Variants in TBC1D9 observed in about 807,000 individuals in gnomAD.
TBC1D9 encodes TBC1 domain family member 9, also known as TBC1 domain family member 9A.
A neutral mutation model predicts 132.0 loss-of-function variants in TBC1D9; 63 were observed. The observed-to-expected ratio is 0.48, with a 90% confidence interval of 0.39 to 0.59. The LOEUF is 0.59. Among genes scored for constraint, TBC1D9 ranks in the 20% least tolerant of loss-of-function variants. TBC1D9 has a pLI of 0.00. For missense variants in TBC1D9, 1,261 were observed against 1,592.7 expected, an observed-to-expected ratio of 0.79 and a Z score of 3.54; for synonymous variants, 610 against 609.9, an observed-to-expected ratio of 1.00 and a Z score of 0.00.
At chr4:140,646,158 T>G (rs1010565969) in intron 13 of TBC1D9, among the ~76,000 whole-genome samples, 1 of 152,138 alleles carries the variant, frequency 6.6e-6, no homozygotes, top group African/African-American at 2.4e-5. Flanking sequence ...TCATGATCAT[T>G]CCAGGAAGTA....
At chr4:140,661,334 C>T (rs1179275463) in intron 10 of TBC1D9, among the ~76,000 whole-genome samples, 1 of 152,174 alleles carries the variant, frequency 6.6e-6, no homozygotes, top group East Asian at 1.9e-4. Flanking sequence ...CTAAGTTAAG[C>T]ACTTATTTTA....
chr4:140,725,782 A>T (rs954102148), intron 1 of TBC1D9, among the ~76,000 whole-genome samples: 11 of 152,134 alleles, frequency 7.2e-5, no homozygotes, highest in African/African-American at 2.4e-4. Context: ...TTTTGTACAA[A>T]GGATTCAGGG....
At chr4:140,642,081 G>T in intron 13 of TBC1D9, 1 of 705,202 alleles carries the variant, frequency 1.4e-6, no homozygotes. Flanking sequence ...GGGAGGGGGC[G>T]GAGGAGGGGG....
chr4:140,739,675 G>T (rs986796273), intron 1 of TBC1D9, among the ~76,000 whole-genome samples: 1 of 152,094 alleles, frequency 6.6e-6, no homozygotes, highest in East Asian at 1.9e-4. Context: ...AAATTCATTT[G>T]TACATATTAC....
At chr4:140,753,636 C>T (rs896811348) in intron 1 of TBC1D9, among the ~76,000 whole-genome samples, 8 of 152,144 alleles carry the variant, frequency 5.3e-5, no homozygotes, top group Non-Finnish European at 1.0e-4. Flanking sequence ...CTCTATTTTT[C>T]GAAGTTGTCT....
At chr4:140,662,801 A>G (rs4956328) in intron 9 of TBC1D9, among the ~76,000 whole-genome samples, 10,659 of 152,236 alleles carry the variant, frequency 0.07, 594 homozygotes, top group African/African-American at 0.15. Context: ...GCAAGTATCT[A>G]CCTCTCAATC....
Position 140,756,013 on chromosome 4 carries a change from G to A in TBC1D9, c.33C>T (p.Ala11=), listed in dbSNP as rs767436982. MWVNPEEVLL[A]NALWITERAN... ...CCCTCTCGGTGATCCACAGCGCGTT[G>A]GCCAGCAACACCTCCTCCGGGTTCA... Residue 11 remains alanine, a synonymous_variant, in exon 1 of 21, where the codon GCC becomes GCT. Coordinates refer to ENST00000442267, the MANE Select transcript of TBC1D9 (RefSeq NM_015130.3). This position sits in a 1 kb window ranked among gnomAD's most constrained non-coding sequence, Gnocchi z 5.6. The A allele has an allele frequency of 5.0e-6, 8 of 1,609,922 alleles. No individual in the cohort carries two copies. The highest frequency in any genetic ancestry group is 5.9e-6 in the Non-Finnish European group (7 of 1,177,816).
At chr4:140,721,233 C>A (rs369005259) in intron 1 of TBC1D9, among the ~76,000 whole-genome samples, 2 of 152,152 alleles carry the variant, frequency 1.3e-5, no homozygotes, top group East Asian at 3.9e-4. Flanking sequence ...GTACTAGATA[C>A]GCCACACATA....
chr4:140,664,890 C>T (rs571006498), intron 9 of TBC1D9, among the ~76,000 whole-genome samples: 63 of 152,130 alleles, frequency 4.1e-4, no homozygotes, highest in African/African-American at 1.5e-3. Context: ...GGGTGTATCA[C>T]GAGGTCAGGA....
chr4:140,650,142 CA>C lies in TBC1D9; in HGVS notation c.2337+6954del, dbSNP rs964089755. On this transcript the variant is annotated intron_variant, in intron 13 of 20. Transcript: ENST00000442267. ...TGTGAACATGCTGCTGATTAAATTA[CA>C]AAAAATAACTCTAAGCACAGTGCCC... Among the ~76,000 whole-genome samples the C allele has an allele frequency of 2.6e-5, 4 of 152,278 alleles. No individual in the cohort carries two copies. The East Asian group carries it at 5.8e-4, about 22-fold the overall frequency.
At chr4:140,672,422 C>T (rs1289991444) in intron 6 of TBC1D9, among the ~76,000 whole-genome samples, 1 of 151,958 alleles carries the variant, frequency 6.6e-6, no homozygotes, top group Non-Finnish European at 1.5e-5. Context: ...TTAAAGAATA[C>T]TTATTTTTTA....
At chr4:140,755,853 G>GA (rs1739003842) in intron 1 of TBC1D9, 63 bp downstream of exon 1, 2 of 1,320,066 alleles carry the variant, frequency 1.5e-6, no homozygotes, top group Non-Finnish European at 1.9e-6. Context: ...CTGCAGCCCA[G>GA]GCCGCGGGCG....
At chr4:140,630,806 G>A (rs747459493) in intron 16 of TBC1D9, among the ~76,000 whole-genome samples, 2 of 152,292 alleles carry the variant, frequency 1.3e-5, no homozygotes, top group Admixed American at 1.3e-4. Context: ...CAAGGTGTCC[G>A]CTGAGTCCAG....
chr4:140,669,178 A>T, intron 8 of TBC1D9, 111 bp from the exon 9 acceptor site: 1 of 1,110,554 alleles, frequency 9.0e-7, no homozygotes. Flanking sequence ...CAATTCCAGA[A>T]AGAAGTCATG....
chr4:140,689,124 A>G (rs571254519), intron 2 of TBC1D9, among the ~76,000 whole-genome samples: 9 of 152,090 alleles, frequency 5.9e-5, no homozygotes, highest in Non-Finnish European at 1.2e-4. Context: ...GGCATAATTC[A>G]TCTCTGTTTT....
intron 13 of TBC1D9, chr4:140,643,316 G>A (rs1737040972): frequency 3.8e-6 from 5 of 1,322,844 alleles, no homozygotes; most frequent in East Asian, 2.5e-5. Flanking sequence ...CAAGGCTCTC[G>A]GCAGCTTCCT....
chr4:140,647,349 T>A (rs1737118937), intron 13 of TBC1D9, among the ~76,000 whole-genome samples: 1 of 152,226 alleles, frequency 6.6e-6, no homozygotes, highest in African/African-American at 2.4e-5. Flanking sequence ...AATAGCTCTG[T>A]AACTCCACCA....
chr4:140,689,730 C>T (rs1174118132), intron 2 of TBC1D9, among the ~76,000 whole-genome samples: 4 of 99,386 alleles, frequency 4.0e-5, no homozygotes, highest in African/African-American at 1.6e-4. Context: ...CCTCCCTTCC[C>T]TTCCCTTCCC....
chr4:140,709,268 A>T (rs1260567870), intron 1 of TBC1D9, among the ~76,000 whole-genome samples: 3 of 150,862 alleles, frequency 2.0e-5, no homozygotes, highest in Non-Finnish European at 4.4e-5. Flanking sequence ...ACACACACAC[A>T]CACACACACA....
Sources: allele counts gnomAD v4.1 joint callset (sites outside exome capture counted in the v4.1 genomes callset), GRCh38; gene constraint gnomAD v4.1.1; non-coding constraint Gnocchi (gnomAD v3.1); transcripts MANE v1.5; gene names NCBI Gene and HGNC (gene_info 2026-07-23, HGNC 2026-07-21).